Variants in DPP10 observed in about 807,000 individuals in gnomAD.
The protein encoded by DPP10 is dipeptidyl peptidase like 10.
In DPP10, 33 loss-of-function variants were observed where a neutral mutation model predicts 120.9. That is an observed-to-expected ratio of 0.27 (90% confidence interval 0.21 to 0.37). DPP10 has a LOEUF of 0.37. Among genes scored for constraint, DPP10 ranks in the 10% least tolerant of loss-of-function variants. The pLI is 1.00. For synonymous variants in DPP10, 337 were observed against 326.1 expected (o/e 1.03, Z -0.36); for missense variants, 816 against 942.8 (o/e 0.87, Z 1.76).
At chr2:115,016,687 G>A (rs1056166011) in intron 1 of DPP10, among the ~76,000 whole-genome samples, 15 of 151,682 alleles carry the variant, frequency 9.9e-5, no homozygotes, top group African/African-American at 3.6e-4. Flanking sequence ...CAACAAGTGG[G>A]CAAAGGATAT....
At chr2:115,720,282 A>G (rs548676285) in intron 7 of DPP10, among the ~76,000 whole-genome samples, 1 of 152,296 alleles carries the variant, frequency 6.6e-6, no homozygotes, top group East Asian at 1.9e-4. Context: ...TACTCCTACT[A>G]CCAAAAGAAT....
At chr2:115,340,912 A>T (rs1365372922) in intron 2 of DPP10, among the ~76,000 whole-genome samples, 1 of 152,106 alleles carries the variant, frequency 6.6e-6, no homozygotes, top group Non-Finnish European at 1.5e-5. Context: ...TCAAATATAG[A>T]TGATAAAATA....
chr2:114,958,977 GA>G (rs1381106080), intron 1 of DPP10, among the ~76,000 whole-genome samples: 1 of 152,128 alleles, frequency 6.6e-6, no homozygotes, highest in Non-Finnish European at 1.5e-5. Flanking sequence ...TTTTCAGATG[GA>G]GAATGAGATT....
intron 1 of DPP10, among the ~76,000 whole-genome samples, chr2:114,894,214 A>G (rs893648200): frequency 6.6e-6 from 1 of 152,250 alleles, no homozygotes; most frequent in African/African-American, 2.4e-5. Flanking sequence ...AGATGAAGGT[A>G]AGAGGTAATA....
intron 1 of DPP10, among the ~76,000 whole-genome samples, chr2:115,069,162 C>A (rs1360111522): frequency 6.6e-6 from 1 of 152,112 alleles, no homozygotes; most frequent in East Asian, 1.9e-4. Context: ...AATATAGATT[C>A]TTCCAATATA....
intron 1 of DPP10, among the ~76,000 whole-genome samples, chr2:115,236,226 A>T (rs1401287450): frequency 1.3e-5 from 2 of 152,182 alleles, no homozygotes; most frequent in African/African-American, 4.8e-5. Flanking sequence ...TACAGATAAA[A>T]TTTTTTTAAA....
intron 1 of DPP10, among the ~76,000 whole-genome samples, chr2:114,973,126 G>C (rs1223720078): frequency 6.6e-6 from 1 of 152,020 alleles, no homozygotes; most frequent in East Asian, 1.9e-4. Flanking sequence ...GATTATAATG[G>C]AACTGAAGAA....
chr2:115,599,628 A>G (rs1328624429), intron 5 of DPP10, among the ~76,000 whole-genome samples: 2 of 152,150 alleles, frequency 1.3e-5, no homozygotes, highest in African/African-American at 4.8e-5. Context: ...CCTCTGCACC[A>G]TCCTGATTGG....
chr2:115,674,404 TTTTTTCTTA>T (rs1261454640), intron 5 of DPP10, among the ~76,000 whole-genome samples: 1 of 151,916 alleles, frequency 6.6e-6, no homozygotes, highest in Non-Finnish European at 1.5e-5. Flanking sequence ...TTTTTAAGAT[TTTTTTCTTA>T]TTTTTCTTAT....
chr2:115,358,061 C>T (rs1300523751), intron 3 of DPP10, among the ~76,000 whole-genome samples: 1 of 152,140 alleles, frequency 6.6e-6, no homozygotes, highest in Non-Finnish European at 1.5e-5. Flanking sequence ...AGGTCTCTGA[C>T]ATGCCCTGGA....
At chr2:114,642,415 A>G (rs891514105) in intron 1 of DPP10, among the ~76,000 whole-genome samples, 1 of 151,972 alleles carries the variant, frequency 6.6e-6, no homozygotes, top group Non-Finnish European at 1.5e-5. Context: ...TCTTTTCTCT[A>G]GAGTGCACTA....
chr2:115,684,957 G>C (rs4849418), intron 5 of DPP10, among the ~76,000 whole-genome samples: 149,299 of 151,976 alleles, frequency 0.98, 73,389 homozygotes, highest in Middle Eastern at 1. Flanking sequence ...ATTTGCAAAG[G>C]TAGAGTCGTG....
intron 1 of DPP10, among the ~76,000 whole-genome samples, chr2:114,732,394 C>T (rs1389206579): frequency 6.6e-6 from 1 of 152,166 alleles, no homozygotes. Flanking sequence ...AGGTGCTAAA[C>T]TCCAAACATT....
At chr2:115,020,947 A>T (rs1703026703) in intron 1 of DPP10, among the ~76,000 whole-genome samples, 1 of 152,092 alleles carries the variant, frequency 6.6e-6, no homozygotes, top group African/African-American at 2.4e-5. Flanking sequence ...ATCCAGATGA[A>T]AATTTAAAAA....
intron 1 of DPP10, among the ~76,000 whole-genome samples, chr2:114,900,535 G>A (rs184925295): frequency 2.0e-5 from 3 of 152,220 alleles, no homozygotes; most frequent in Admixed American, 1.3e-4. Context: ...TGAAGTCTTT[G>A]CTCTTTTTTG....
intron 3 of DPP10, among the ~76,000 whole-genome samples, chr2:115,475,307 T>C (rs557482620): frequency 1.3e-5 from 2 of 152,272 alleles, no homozygotes; most frequent in South Asian, 4.1e-4. Flanking sequence ...CAGGTACAAC[T>C]CAGGCCACCA....
At chr2:115,755,454 A>G (rs1486404770) in intron 11 of DPP10, among the ~76,000 whole-genome samples, 7 of 152,066 alleles carry the variant, frequency 4.6e-5, no homozygotes, top group African/African-American at 7.2e-5. Context: ...GGAAAACTGG[A>G]TGTCAATGTG....
intron 5 of DPP10, among the ~76,000 whole-genome samples, chr2:115,574,974 G>A (rs2081561006): frequency 1.3e-5 from 2 of 152,090 alleles, no homozygotes; most frequent in Admixed American, 1.3e-4. Context: ...AGAATAAGTG[G>A]GACTCCTGCA....
intron 1 of DPP10, among the ~76,000 whole-genome samples, chr2:114,477,514 TG>T (rs1394115520): frequency 9.6e-6 from 1 of 103,942 alleles, no homozygotes; most frequent in East Asian, 3.2e-4. Context: ...CATTTATGTG[TG>T]TGTATATATG....
Sources: gnomAD v4.1 joint callset for allele counts (sites outside exome capture counted in the v4.1 genomes callset) on GRCh38, gnomAD v4.1.1 for gene constraint, MANE v1.5 for transcripts, NCBI Gene and HGNC (gene_info 2026-07-23, HGNC 2026-07-21) for gene names.